Variants in DPRX observed in about 807,000 individuals in gnomAD.
DPRX encodes divergent paired-related homeobox.
DPRX carries 11 observed loss-of-function variants against 8.4 expected under a neutral mutation model. The observed-to-expected ratio is 1.31, with a 90% CI of 0.82 to 2.17. The LOEUF (loss-of-function observed/expected upper bound fraction) is 2.17. Ranked by LOEUF, DPRX falls within the 30% of genes most tolerant of loss-of-function variation. DPRX has a pLI of 0.00. For synonymous variants in DPRX, 72 were observed against 87.0 expected (o/e 0.83, Z 0.96); for missense variants, 211 against 236.7 (o/e 0.89, Z 0.71).
exon 2 of DPRX, chr19:53,634,556 G>A (rs2091105167): frequency 1.2e-6 from 2 of 1,613,778 alleles, no homozygotes; most frequent in Admixed American, 3.3e-5. Context: ...ATTCACACAG[G>A]AAACGAACCA....
At chr19:53,601,192 T>A in the DPRX span, 3 of 454,042 alleles carry the variant, frequency 6.6e-6, no homozygotes, top group Non-Finnish European at 1.3e-5. Context: ...GAGACAGCTA[T>A]AGGGAAAGGT....
At position 53,634,683 on chromosome 19, in the gene DPRX, C is replaced by T. The variant is rs768346750; in HGVS notation, c.181C>T (p.Gln61Ter). 1 of 1,610,178 alleles carries T rather than the reference C, an allele frequency of 6.2e-7. No individual in the cohort carries two copies. Among genetic ancestry groups the T allele is most frequent in the South Asian group, 1.1e-5 (1 of 90,338 alleles). Residue 61 changes from glutamine to a stop codon, truncating the protein, a stop_gained and splice_region_variant, in exon 2 of 3, where the codon CAG becomes TAG. Transcript: ENST00000376650. LOFTEE classifies it low-confidence loss of function (END_TRUNC). ...AATAGACATACACCCAACAGTACTG[C>T]AGGTTGGAAAATGATCCCTCTTCTC...
upstream of DPRX, among the ~76,000 whole-genome samples, chr19:53,629,462 G>A (rs541477536): frequency 1.8e-3 from 265 of 150,942 alleles, 1 homozygote; most frequent in African/African-American, 6.2e-3. Context: ...TTGAAAAGCT[G>A]GTCTCCTGGG....
chr19:53,611,206 A>T, the DPRX span, among the ~76,000 whole-genome samples: 30 of 151,920 alleles, frequency 2.0e-4, no homozygotes, highest in African/African-American at 5.6e-4. Flanking sequence ...CCAGCCACAA[A>T]GTGACCTTCT....
chr19:53,607,766 G>A, the DPRX span, among the ~76,000 whole-genome samples: 6 of 151,834 alleles, frequency 4.0e-5, no homozygotes, highest in African/African-American at 9.7e-5. Flanking sequence ...CAGGAGAATC[G>A]CTTGAACCCG....
chr19:53,632,283 T>C (rs2091095571), intron 1 of DPRX, 149 bp downstream of exon 1: 2 of 978,818 alleles, frequency 2.0e-6, no homozygotes, highest in Non-Finnish European at 3.1e-6. Context: ...TGTCATCGTT[T>C]TTGTTGTTGT....
chr19:53,628,755 A>G (rs934823001), upstream of DPRX, among the ~76,000 whole-genome samples: 96 of 151,798 alleles, frequency 6.3e-4, no homozygotes, highest in African/African-American at 2.1e-3. Context: ...GCACCCGGCT[A>G]ATTTTGTATT....
At chr19:53,622,345 G>T in the DPRX span, among the ~76,000 whole-genome samples, 400 of 152,228 alleles carry the variant, frequency 2.6e-3, 1 homozygote, top group African/African-American at 8.7e-3. Flanking sequence ...TTAAGAGAGA[G>T]AGAGAGAGGG....
At chr19:53,633,184 T>G (rs1420944525) in intron 1 of DPRX, among the ~76,000 whole-genome samples, 1 of 152,116 alleles carries the variant, frequency 6.6e-6, no homozygotes, top group African/African-American at 2.4e-5. Context: ...TTCCAGCTAC[T>G]CGGGAGGCTG....
chr19:53,612,788 T>C, the DPRX span, among the ~76,000 whole-genome samples: 2 of 152,074 alleles, frequency 1.3e-5, no homozygotes, highest in Non-Finnish European at 2.9e-5. Context: ...GAAATAGGAT[T>C]GGACAAAATG....
chr19:53,621,812 G>GA, the DPRX span, among the ~76,000 whole-genome samples: 5 of 152,144 alleles, frequency 3.3e-5, no homozygotes, highest in African/African-American at 1.2e-4. Context: ...ATCTTTCCTA[G>GA]AAAAAAATAG....
chr19:53,603,496 C>T, the DPRX span: 3 of 428,484 alleles, frequency 7.0e-6, no homozygotes, highest in South Asian at 4.8e-5. Context: ...TTCATCTCAA[C>T]TACTTCCTCC....
the DPRX span, chr19:53,603,422 C>T: frequency 2.2e-6 from 1 of 456,576 alleles, no homozygotes; most frequent in South Asian, 1.5e-5. Flanking sequence ...CAGGGCTCCA[C>T]AGACTCGCCG....
At chr19:53,603,490 T>C in the DPRX span, 1 of 434,954 alleles carries the variant, frequency 2.3e-6, no homozygotes, top group Non-Finnish European at 4.7e-6. Flanking sequence ...ACAGAATTCA[T>C]CTCAACTACT....
chr19:53,634,685 G>A, exon 2 of DPRX: 1 of 1,609,870 alleles, frequency 6.2e-7, no homozygotes, highest in Non-Finnish European at 8.5e-7. Flanking sequence ...CAGTACTGCA[G>A]GTTGGAAAAT....
chr19:53,627,154 G>A (rs2091074518), upstream of DPRX, among the ~76,000 whole-genome samples: 1 of 152,166 alleles, frequency 6.6e-6, no homozygotes, highest in African/African-American at 2.4e-5. Flanking sequence ...AGAGATTCAA[G>A]TGGACTGAGC....
At chr19:53,618,078 G>C in the DPRX span, among the ~76,000 whole-genome samples, 1 of 151,404 alleles carries the variant, frequency 6.6e-6, no homozygotes, top group Non-Finnish European at 1.5e-5. Flanking sequence ...GGAGGCGGAG[G>C]CTGCAGTGAG....
the DPRX span, among the ~76,000 whole-genome samples, chr19:53,620,803 A>C: frequency 6.6e-6 from 1 of 152,170 alleles, no homozygotes; most frequent in South Asian, 2.1e-4. Context: ...CTTGTTGCCC[A>C]GGCTGGTCTC....
At chr19:53,620,656 C>T in the DPRX span, among the ~76,000 whole-genome samples, 5 of 151,176 alleles carry the variant, frequency 3.3e-5, no homozygotes, top group African/African-American at 1.2e-4. Context: ...TGAGCCACCC[C>T]GCCCGGGGCA....
Sources: allele counts gnomAD v4.1 joint callset (sites outside exome capture counted in the v4.1 genomes callset), GRCh38; gene constraint gnomAD v4.1.1; transcripts MANE v1.5; gene names NCBI Gene and HGNC (gene_info 2026-07-23, HGNC 2026-07-21).